Variants in RBFOX1 observed in about 807,000 individuals in gnomAD.
The protein encoded by RBFOX1 is RNA binding protein fox-1 homolog 1.
In RBFOX1, 8 loss-of-function variants were observed where a neutral mutation model predicts 57.7. The observed-to-expected ratio is 0.14, with a 90% confidence interval of 0.08 to 0.25. The LOEUF (loss-of-function observed/expected upper bound fraction) is 0.25, where lower values mean the gene tolerates loss of function less well. Ranked by LOEUF, RBFOX1 falls within the 10% of genes least tolerant of loss-of-function variation. RBFOX1 has a pLI of 1.00. For missense variants in RBFOX1, 611 were observed against 548.5 expected (o/e 1.11, Z -1.14); for synonymous variants, 326 against 222.4 (o/e 1.47, Z -4.15).
chr16:6,054,936 C>T (rs2095596925), intron 1 of RBFOX1, among the ~76,000 whole-genome samples: 1 of 152,010 alleles, frequency 6.6e-6, no homozygotes. Context: ...GTGTGTGCCA[C>T]TATGCTTGGC....
intron 1 of RBFOX1, among the ~76,000 whole-genome samples, chr16:6,302,043 G>A (rs553037158): frequency 5.9e-5 from 9 of 152,024 alleles, no homozygotes; most frequent in South Asian, 2.1e-4. Flanking sequence ...GTTACTGTCC[G>A]TCATGACAAG....
intron 11 of RBFOX1, among the ~76,000 whole-genome samples, chr16:7,646,270 G>A (rs2063719643): frequency 6.6e-6 from 1 of 152,190 alleles, no homozygotes; most frequent in African/African-American, 2.4e-5. Flanking sequence ...GCTATGGCTG[G>A]TGGTTTATTT....
chr16:7,017,216 G>T (rs2093960874), intron 3 of RBFOX1, among the ~76,000 whole-genome samples: 1 of 152,130 alleles, frequency 6.6e-6, no homozygotes, highest in Admixed American at 6.6e-5. Context: ...TTCCCTTCAG[G>T]GAATGGGAGC....
chr16:6,677,869 T>C (rs996080640), intron 3 of RBFOX1, among the ~76,000 whole-genome samples: 1 of 152,202 alleles, frequency 6.6e-6, no homozygotes, highest in Non-Finnish European at 1.5e-5. Context: ...CCTATTAATA[T>C]AGGCTCTTCC....
At chr16:6,188,014 A>G (rs1038574133) in intron 1 of RBFOX1, among the ~76,000 whole-genome samples, 2 of 152,182 alleles carry the variant, frequency 1.3e-5, no homozygotes, top group Non-Finnish European at 1.5e-5. Context: ...GTGTGTATGT[A>G]TATGTGTATA....
At chr16:5,816,520 C>A (rs2055644401) in intron 3 of RBFOX1, among the ~76,000 whole-genome samples, 1 of 152,144 alleles carries the variant, frequency 6.6e-6, no homozygotes, top group Non-Finnish European at 1.5e-5. Context: ...AATTATTATG[C>A]CTGGCCAGGC....
intron 4 of RBFOX1, among the ~76,000 whole-genome samples, chr16:7,131,570 C>G (rs181253722): frequency 1.3e-5 from 2 of 151,638 alleles, no homozygotes; most frequent in African/African-American, 4.8e-5. Flanking sequence ...GAGGTTTGAA[C>G]CATGTTCATT....
chr16:7,457,227 A>G (rs1305905637), intron 4 of RBFOX1, among the ~76,000 whole-genome samples: 1 of 152,016 alleles, frequency 6.6e-6, no homozygotes, highest in East Asian at 1.9e-4. Flanking sequence ...GGGTCCATGA[A>G]TGCAAGCAGT....
At chr16:7,191,660 G>A (rs758755547) in intron 4 of RBFOX1, among the ~76,000 whole-genome samples, 2 of 152,214 alleles carry the variant, frequency 1.3e-5, no homozygotes, top group Non-Finnish European at 1.5e-5. Context: ...TACAGTGCGT[G>A]TTTCCGTCAG....
intron 4 of RBFOX1, among the ~76,000 whole-genome samples, chr16:7,253,339 G>C (rs2094559515): frequency 6.6e-6 from 1 of 152,160 alleles, no homozygotes; most frequent in Non-Finnish European, 1.5e-5. Flanking sequence ...GAAGAGCGGA[G>C]ACATGTCAGG....
intron 3 of RBFOX1, among the ~76,000 whole-genome samples, chr16:6,931,340 T>TATCTACACAC (rs1555640312): frequency 3.4e-4 from 36 of 106,998 alleles, no homozygotes; most frequent in African/African-American, 1.1e-3. Flanking sequence ...TATCTATCTC[T>TATCTACACAC]ACACACACAC....
chr16:5,635,843 C>T (rs1481978511), intron 3 of RBFOX1, among the ~76,000 whole-genome samples: 1 of 152,102 alleles, frequency 6.6e-6, no homozygotes, highest in Non-Finnish European at 1.5e-5. Context: ...TGATTTCTAT[C>T]ATGCATTCCA....
intron 4 of RBFOX1, among the ~76,000 whole-genome samples, chr16:7,054,259 T>TAG (rs56914588): frequency 1.1e-5 from 1 of 90,930 alleles, no homozygotes; most frequent in African/African-American, 3.4e-5. Flanking sequence ...TTTTTTTTTT[T>TAG]AGAGAGAGTC....
chr16:7,569,846 G>A (rs1446751080), intron 5 of RBFOX1, among the ~76,000 whole-genome samples: 1 of 125,848 alleles, frequency 7.9e-6, no homozygotes, highest in Non-Finnish European at 1.8e-5. Flanking sequence ...GAATGGGAGT[G>A]AGCGCCTCTG....
chr16:6,594,302 C>G (rs529553492), intron 2 of RBFOX1, among the ~76,000 whole-genome samples: 1 of 152,158 alleles, frequency 6.6e-6, no homozygotes, highest in Non-Finnish European at 1.5e-5. Flanking sequence ...CCATACTTCC[C>G]ATGACCCTGG....
intron 1 of RBFOX1, among the ~76,000 whole-genome samples, chr16:6,115,814 G>A (rs1471441171): frequency 6.6e-6 from 1 of 152,102 alleles, no homozygotes; most frequent in Non-Finnish European, 1.5e-5. Flanking sequence ...ATAATCTCCA[G>A]GGACTCAGGC....
intron 5 of RBFOX1, among the ~76,000 whole-genome samples, chr16:7,543,667 CTGTGTGTGTGTGTGTGTGTGTGTGTGTG>C (rs71150310): frequency 1.1e-4 from 15 of 141,432 alleles, no homozygotes; most frequent in African/African-American, 2.6e-4. Context: ...TGGGCAGTAT[CTGTGTGTGTGTGTGTGTGTGTGTGTGTG>C]TGTGTGTGTG....
chr16:7,518,164 C>T lies in RBFOX1; in HGVS notation c.45C>T (p.Ala15=), dbSNP rs1351528483. The T allele has an allele frequency of 1.9e-6, 3 of 1,612,078 alleles. No individual in the cohort carries two copies. The highest frequency in any genetic ancestry group is 1.7e-5 in the Admixed American group (1 of 59,756). ...TTTTTCAGGGTAATCAGGAAGCAGC[C>T]GCTGCCCCTGACACAATGGCTCAGC... is the stretch of plus-strand genomic sequence containing the variant. ...REQLRGNQEA[A]AAPDTMAQPY... The change falls in exon 5 of 16, where the codon GCC becomes GCT. Residue 15 remains alanine, a synonymous_variant. Coordinates refer to ENST00000550418, the MANE Select transcript of RBFOX1 (RefSeq NM_018723.4).
chr16:7,577,013 C>T (rs1474083100), intron 5 of RBFOX1, among the ~76,000 whole-genome samples: 2 of 152,176 alleles, frequency 1.3e-5, no homozygotes, highest in South Asian at 2.1e-4. Context: ...CACCAAACCT[C>T]GTATTCTCAG....
Sources: gnomAD v4.1 joint callset for allele counts (sites outside exome capture counted in the v4.1 genomes callset) on GRCh38, gnomAD v4.1.1 for gene constraint, MANE v1.5 for transcripts, NCBI Gene and HGNC (gene_info 2026-07-23, HGNC 2026-07-21) for gene names.